LDB2: variants seen among roughly 807,000 people sequenced by gnomAD.
LDB2 encodes LIM domain-binding protein 2.
A neutral mutation model predicts 44.3 loss-of-function variants in LDB2; 12 were observed. The ratio of observed to expected loss-of-function variants is 0.27; its 90% CI spans 0.17 to 0.44. The LOEUF is 0.44. Ranked by LOEUF, LDB2 falls within the 20% of genes least tolerant of loss-of-function variation. The pLI is 1.00. For missense variants in LDB2, 344 were observed against 473.5 expected (o/e 0.73, Z 2.54); for synonymous variants, 164 against 174.8 (o/e 0.94, Z 0.49).
intron 2 of LDB2, among the ~76,000 whole-genome samples, chr4:16,659,656 A>T (rs1740920461): frequency 9.9e-6 from 1 of 101,468 alleles, no homozygotes; most frequent in African/African-American, 4.2e-5. Flanking sequence ...CACACATATG[A>T]GTATATCTAT....
intron 1 of LDB2, among the ~76,000 whole-genome samples, chr4:16,853,866 A>T (rs1788789336): frequency 6.6e-6 from 1 of 152,178 alleles, no homozygotes. Flanking sequence ...AATGTGAAAT[A>T]AGCCAGATAC....
chr4:16,595,136 T>C (rs947258827), intron 3 of LDB2, among the ~76,000 whole-genome samples: 6 of 152,136 alleles, frequency 3.9e-5, no homozygotes, highest in African/African-American at 1.4e-4. Context: ...GCCTCAAACA[T>C]TGTGATAATC....
At chr4:16,727,837 T>C (rs982525516) in intron 2 of LDB2, among the ~76,000 whole-genome samples, 1 of 152,192 alleles carries the variant, frequency 6.6e-6, no homozygotes, top group African/African-American at 2.4e-5. Flanking sequence ...GTTAAATGAA[T>C]TGACATATAA....
chr4:16,670,632 G>A (rs1261583728), intron 2 of LDB2, among the ~76,000 whole-genome samples: 1 of 152,182 alleles, frequency 6.6e-6, no homozygotes, highest in Non-Finnish European at 1.5e-5. Flanking sequence ...AACAGTTAAG[G>A]ACCACAGGGT....
At chr4:16,808,065 A>G (rs1323178213) in intron 1 of LDB2, among the ~76,000 whole-genome samples, 1 of 152,180 alleles carries the variant, frequency 6.6e-6, no homozygotes, top group Non-Finnish European at 1.5e-5. Context: ...GTACACCTTT[A>G]CACACTCAAT....
At chr4:16,567,387 C>CGT (rs949119338) in intron 5 of LDB2, among the ~76,000 whole-genome samples, 1 of 14,902 alleles carries the variant, frequency 6.7e-5, no homozygotes, top group Non-Finnish European at 4.8e-4. Context: ...TGTGTGTGCG[C>CGT]GTGTGTGCAT....
At chr4:16,717,681 T>A (rs566457346) in intron 2 of LDB2, among the ~76,000 whole-genome samples, 1 of 152,314 alleles carries the variant, frequency 6.6e-6, no homozygotes, top group East Asian at 1.9e-4. Context: ...AATTATTATG[T>A]TTCCTTATAC....
At chr4:16,780,533 C>T (rs1407117586) in intron 1 of LDB2, among the ~76,000 whole-genome samples, 1 of 152,078 alleles carries the variant, frequency 6.6e-6, no homozygotes, top group African/African-American at 2.4e-5. Flanking sequence ...AAGATGATTC[C>T]TGTTAGATAT....
At chr4:16,657,902 T>TA (rs1740385276) in intron 2 of LDB2, among the ~76,000 whole-genome samples, 1 of 152,226 alleles carries the variant, frequency 6.6e-6, no homozygotes, top group Non-Finnish European at 1.5e-5. Context: ...CCACATATTT[T>TA]AAAAACCTTC....
At chr4:16,870,331 G>C (rs1398158246) in intron 1 of LDB2, among the ~76,000 whole-genome samples, 2 of 152,176 alleles carry the variant, frequency 1.3e-5, no homozygotes, top group African/African-American at 4.8e-5. Context: ...TTGGAAGGAA[G>C]TTTAAATGTC....
intron 1 of LDB2, among the ~76,000 whole-genome samples, chr4:16,790,173 T>C (rs1470026117): frequency 6.6e-6 from 1 of 152,212 alleles, no homozygotes; most frequent in African/African-American, 2.4e-5. Context: ...AAGTCTTTCC[T>C]GACAGCATTT....
At chr4:16,713,268 T>G (rs1167923008) in intron 2 of LDB2, among the ~76,000 whole-genome samples, 1 of 152,266 alleles carries the variant, frequency 6.6e-6, no homozygotes, top group Non-Finnish European at 1.5e-5. Flanking sequence ...GTGGTGCTAG[T>G]TGCACAACTC....
intron 5 of LDB2, among the ~76,000 whole-genome samples, chr4:16,527,809 C>T (rs1047370914): frequency 5.3e-5 from 8 of 150,838 alleles, no homozygotes; most frequent in African/African-American, 2.0e-4. Flanking sequence ...TCTTACCTCA[C>T]ACACACAAAA....
intron 1 of LDB2, among the ~76,000 whole-genome samples, chr4:16,883,036 C>A (rs572192539): frequency 2.6e-5 from 4 of 152,280 alleles, no homozygotes; most frequent in African/African-American, 9.6e-5. Flanking sequence ...AAACAACCAT[C>A]GAGCCTTCCT....
chr4:16,890,693 A>T (rs1334180030), intron 1 of LDB2, among the ~76,000 whole-genome samples: 1 of 152,180 alleles, frequency 6.6e-6, no homozygotes, highest in Non-Finnish European at 1.5e-5. Context: ...CCATGCATGA[A>T]CTGAGGCCTC....
intron 5 of LDB2, among the ~76,000 whole-genome samples, chr4:16,542,941 T>C (rs1236592130): frequency 2.1e-5 from 2 of 93,858 alleles, no homozygotes; most frequent in Admixed American, 3.5e-4. Flanking sequence ...CACCCCACCA[T>C]AGGCCCCAGT....
At position 16,582,916 on chromosome 4, in the gene LDB2, T is replaced by C. The variant is rs1216334568; in HGVS notation, c.615+3006A>G. ...GGGAACGACAAGAGGGAACAGCAGG[T>C]GATTTGATAACCCAAATCAAATGAC... On this transcript the variant is annotated intron_variant, in intron 5 of 7. Coordinates refer to ENST00000304523, the MANE Select transcript of LDB2 (RefSeq NM_001290.5). The surrounding 1 kb of genome is among the most constrained non-coding windows in gnomAD (Gnocchi z 4.8). 6.6e-6 allele frequency among the ~76,000 whole-genome samples: 1 copy of C among 152,156 alleles called. No individual in the cohort carries two copies. The highest frequency in any genetic ancestry group is 1.5e-5 in the Non-Finnish European group (1 of 68,044).
intron 5 of LDB2, among the ~76,000 whole-genome samples, chr4:16,549,409 T>A (rs1577594496): frequency 1.3e-5 from 2 of 152,182 alleles, no homozygotes; most frequent in South Asian, 4.1e-4. Context: ...ACTCAATCTC[T>A]CCTTTCAAGC....
intron 2 of LDB2, among the ~76,000 whole-genome samples, chr4:16,602,744 C>T (rs1334021709): frequency 3.9e-5 from 6 of 152,058 alleles, no homozygotes; most frequent in Non-Finnish European, 8.8e-5. Flanking sequence ...CTTCAGTCAC[C>T]CTACCTTGCA....
Sources: allele counts gnomAD v4.1 joint callset (sites outside exome capture counted in the v4.1 genomes callset), GRCh38; gene constraint gnomAD v4.1.1; non-coding constraint Gnocchi (gnomAD v3.1); transcripts MANE v1.5; gene names NCBI Gene and HGNC (gene_info 2026-07-23, HGNC 2026-07-21).